Variants in GSE1 observed in about 807,000 individuals in gnomAD.
GSE1 encodes the protein genetic suppressor element 1.
GSE1 carries 32 observed loss-of-function variants against 112.6 expected under a neutral mutation model. The observed-to-expected ratio is 0.28, with a 90% CI of 0.21 to 0.38. GSE1 has a LOEUF of 0.38. Among genes scored for constraint, GSE1 ranks in the 10% least tolerant of loss-of-function variants. GSE1 has a pLI of 1.00. For synonymous variants in GSE1, 1,115 were observed against 735.6 expected (o/e 1.52, Z -8.35); for missense variants, 2,348 against 1,699.2 (o/e 1.38, Z -6.71).
intron 1 of GSE1, among the ~76,000 whole-genome samples, chr16:85,294,215 C>T (rs764094960): frequency 1.3e-5 from 2 of 152,284 alleles, no homozygotes; most frequent in Non-Finnish European, 2.9e-5. Context: ...GCAGCCCACT[C>T]TTGAAAACCT....
At chr16:85,310,134 A>C (rs1290221611) in intron 1 of GSE1, among the ~76,000 whole-genome samples, 1 of 152,152 alleles carries the variant, frequency 6.6e-6, no homozygotes, top group Non-Finnish European at 1.5e-5. Context: ...GGCACCACGC[A>C]GGCCTGTGCC....
chr16:85,247,509 G>T (rs372836958), intron 1 of GSE1, among the ~76,000 whole-genome samples: 18 of 152,162 alleles, frequency 1.2e-4, no homozygotes, highest in African/African-American at 4.3e-4. Flanking sequence ...GGACCCGCAC[G>T]TCATGCTCCT....
intron 2 of GSE1, among the ~76,000 whole-genome samples, chr16:85,504,562 A>G (rs368216453): frequency 4.6e-5 from 7 of 152,354 alleles, no homozygotes; most frequent in African/African-American, 1.7e-4. Flanking sequence ...GCTCAGGGAC[A>G]ATTGGGTTAA....
intron 2 of GSE1, among the ~76,000 whole-genome samples, chr16:85,479,821 C>G (rs533885823): frequency 3.3e-5 from 5 of 152,284 alleles, no homozygotes; most frequent in South Asian, 2.1e-4. Flanking sequence ...CCAAGCAGCT[C>G]TGCAGTGGGG....
chr16:85,486,184 C>T (rs1029810843), intron 2 of GSE1, among the ~76,000 whole-genome samples: 1 of 152,226 alleles, frequency 6.6e-6, no homozygotes, highest in African/African-American at 2.4e-5. Context: ...TCCTCCCTGC[C>T]TGCCTCTCTC....
rs566042814 is a variant in GSE1, at chr16:85,657,571, C to T, written c.1607C>T (p.Ala536Val). The change falls in exon 8 of 16, where the codon GCG (alanine) becomes GTG (valine). Residue 536 changes from alanine to valine, a missense_variant. By Grantham distance (64) the Ala-to-Val change is moderately conservative (BLOSUM62 0). Transcript: ENST00000253458. The stretch of plus-strand genomic sequence containing the variant: ...GATATGGGCCGGCCCCCGGTGCCGG[C>T]GGAGGCAGAGCACAGGCCGGAGAGC... ...HLDMGRPPVP[A>V]EAEHRPESTT... is the part of the protein sequence containing the mutation. 9.6e-6 allele frequency: 15 copies of T among 1,567,192 alleles called. No individual in the cohort carries two copies. Among genetic ancestry groups the T allele is most frequent in the Middle Eastern group, 1.7e-4 (1 of 5,884 alleles).
intron 2 of GSE1, among the ~76,000 whole-genome samples, chr16:85,368,349 C>G (rs1305942867): frequency 1.3e-5 from 2 of 152,120 alleles, no homozygotes; most frequent in Admixed American, 6.5e-5. Context: ...CGGAGGAGAG[C>G]CTTGGCTCTC....
chr16:85,365,160 C>T (rs1232366751), intron 2 of GSE1, among the ~76,000 whole-genome samples: 1 of 152,196 alleles, frequency 6.6e-6, no homozygotes, highest in Admixed American at 6.5e-5. Context: ...TCCTCTGGGA[C>T]AGGGCTGGGG....
chr16:85,334,122 CT>C (rs1446327257), intron 1 of GSE1, among the ~76,000 whole-genome samples: 1 of 152,202 alleles, frequency 6.6e-6, no homozygotes, highest in Non-Finnish European at 1.5e-5. Flanking sequence ...ACCAAGCTGT[CT>C]TCTGAGCCCA....
At chr16:85,267,235 C>T (rs1319219595) in intron 1 of GSE1, among the ~76,000 whole-genome samples, 1 of 152,232 alleles carries the variant, frequency 6.6e-6, no homozygotes, top group Non-Finnish European at 1.5e-5. Context: ...GCCCCCTCCC[C>T]ATCGGGGTGC....
intron 1 of GSE1, among the ~76,000 whole-genome samples, chr16:85,210,877 C>A (rs1466997614): frequency 3.3e-5 from 5 of 152,216 alleles, no homozygotes; most frequent in Admixed American, 3.3e-4. Flanking sequence ...CTGGACTCTT[C>A]TTCTGGCCAA....
In GSE1 at chr16:85,656,418, C is replaced by A; in HGVS notation, c.1065C>A (p.Arg355=). 6.3e-7 allele frequency: 1 copy of A among 1,575,966 alleles called. No homozygotes were observed. Among genetic ancestry groups the A allele is most frequent in the Non-Finnish European group, 8.6e-7 (1 of 1,157,970 alleles). Residue 355 remains arginine (R), a synonymous_variant, in exon 7 of 16, where the codon CGC becomes CGA. Coordinates refer to ENST00000253458, the MANE Select transcript of GSE1 (RefSeq NM_014615.5). Reference sequence around the variant, plus strand: ...GCGAGCGTGAGCGTGAGGCTGACCGCGAGCGGGAGAAGGAACGTGAGCGCG... The same window carrying A: ...GCGAGCGTGAGCGTGAGGCTGACCGAGAGCGGGAGAAGGAACGTGAGCGCG... ...REREREREAD[R]EREKERERER...
chr16:85,490,244 C>T (rs886591920), intron 2 of GSE1: 1 of 152,316 alleles, frequency 6.6e-6, no homozygotes. Flanking sequence ...GAGGAGACAA[C>T]GTTCTATAAA....
intron 2 of GSE1, among the ~76,000 whole-genome samples, chr16:85,488,363 G>C (rs1286456528): frequency 1.3e-5 from 2 of 152,156 alleles, no homozygotes; most frequent in Non-Finnish European, 2.9e-5. Context: ...ACAGAGGATG[G>C]GACCTGGTTC....
chr16:85,521,948 G>A (rs1434127446), intron 2 of GSE1, among the ~76,000 whole-genome samples: 2 of 152,228 alleles, frequency 1.3e-5, no homozygotes, highest in African/African-American at 4.8e-5. Context: ...GCTGGGCCCC[G>A]CTCACAGAAG....
chr16:85,400,359 G>C (rs1473410336), intron 2 of GSE1, among the ~76,000 whole-genome samples: 1 of 151,766 alleles, frequency 6.6e-6, no homozygotes, highest in Non-Finnish European at 1.5e-5. Context: ...TCTGTGTACT[G>C]TGTGTGCTTT....
At chr16:85,475,103 C>A (rs1238346638) in intron 2 of GSE1, among the ~76,000 whole-genome samples, 5 of 152,162 alleles carry the variant, frequency 3.3e-5, no homozygotes. Context: ...GTTAATTGAC[C>A]CTGCTCTGAC....
At chr16:85,502,302 A>T (rs1187588712) in intron 2 of GSE1, among the ~76,000 whole-genome samples, 1 of 152,202 alleles carries the variant, frequency 6.6e-6, no homozygotes, top group Non-Finnish European at 1.5e-5. Context: ...CCAGGAGATC[A>T]GCCTGTGCTG....
intron 1 of GSE1, among the ~76,000 whole-genome samples, chr16:85,560,672 G>A (rs1263666354): frequency 6.6e-6 from 1 of 152,048 alleles, no homozygotes; most frequent in Non-Finnish European, 1.5e-5. Context: ...AAATTCAAAC[G>A]GGGGTCCCTT....
Sources: allele counts gnomAD v4.1 joint callset (sites outside exome capture counted in the v4.1 genomes callset), GRCh38; gene constraint gnomAD v4.1.1; transcripts MANE v1.5; gene names NCBI Gene and HGNC (gene_info 2026-07-23, HGNC 2026-07-21).